Variants in DACH2 observed in about 807,000 individuals in gnomAD.
The protein encoded by DACH2 is dachshund homolog 2.
A neutral mutation model predicts 35.8 loss-of-function variants in DACH2; 17 were observed. The observed-to-expected ratio is 0.48, with a 90% CI of 0.33 to 0.71. DACH2 has a LOEUF of 0.71. Among genes scored for constraint, DACH2 ranks in the 30% least tolerant of loss-of-function variants. The pLI, the probability that DACH2 is intolerant of heterozygous loss-of-function variation, is 0.02. For synonymous variants in DACH2, 195 were observed against 177.3 expected, an observed-to-expected ratio of 1.10 and a Z score of -0.79; for missense variants, 469 against 472.7, an observed-to-expected ratio of 0.99 and a Z score of 0.07.
At chrX:86,740,330 G>A (rs2041640602) in intron 7 of DACH2, among the ~76,000 whole-genome samples, 2 of 110,102 alleles carry the variant, frequency 1.8e-5, no homozygotes, top group African/African-American at 6.6e-5. Flanking sequence ...TCACCTACAT[G>A]TATTTATTTT....
At chrX:86,315,265 C>T (rs563360638) in intron 1 of DACH2, among the ~76,000 whole-genome samples, 4 of 111,892 alleles carry the variant, frequency 3.6e-5, no homozygotes, top group African/African-American at 1.3e-4. Flanking sequence ...GTTTATAGCA[C>T]GGTTTACTGA....
intron 4 of DACH2, among the ~76,000 whole-genome samples, chrX:86,652,446 C>T (rs2148407497): frequency 8.9e-6 from 1 of 112,142 alleles, no homozygotes; most frequent in Admixed American, 9.5e-5. Context: ...AATTTATATT[C>T]CTTTGGGTGT....
At chrX:86,234,948 C>T (rs1263390524) in intron 1 of DACH2, among the ~76,000 whole-genome samples, 1 of 111,593 alleles carries the variant, frequency 9.0e-6, no homozygotes, top group Non-Finnish European at 1.9e-5. Context: ...AAAGTTTATA[C>T]TTTATTCAGA....
chrX:86,823,809 G>T (rs990176760), intron 11 of DACH2, among the ~76,000 whole-genome samples: 3 of 110,837 alleles, frequency 2.7e-5, no homozygotes, highest in Non-Finnish European at 5.7e-5. Context: ...GTTTTATTAA[G>T]GATTTCAAAA....
chrX:86,308,187 A>G (rs1292772241), intron 1 of DACH2, among the ~76,000 whole-genome samples: 1 of 112,591 alleles, frequency 8.9e-6, no homozygotes, highest in Non-Finnish European at 1.9e-5. Flanking sequence ...AAATAGATTT[A>G]TGAGAGCAGT....
At chrX:86,349,410 T>C (rs912009037) in intron 1 of DACH2, among the ~76,000 whole-genome samples, 1 of 111,800 alleles carries the variant, frequency 8.9e-6, no homozygotes, top group African/African-American at 3.3e-5. Flanking sequence ...AGGGTTTTTA[T>C]AGGCACAGGA....
At chrX:86,482,907 G>T (rs1417628664) in intron 2 of DACH2, among the ~76,000 whole-genome samples, 3 of 99,086 alleles carry the variant, frequency 3.0e-5, no homozygotes, top group Non-Finnish European at 6.0e-5. Flanking sequence ...ACCAAACACT[G>T]CATATTCTCA....
intron 2 of DACH2, among the ~76,000 whole-genome samples, chrX:86,387,243 G>A (rs1399456253): frequency 2.7e-5 from 3 of 111,325 alleles, no homozygotes; most frequent in Non-Finnish European, 5.7e-5. Context: ...TGGGAAATAT[G>A]GGATTAAATA....
intron 1 of DACH2, among the ~76,000 whole-genome samples, chrX:86,251,676 T>C (rs2033404070): frequency 8.9e-6 from 1 of 112,026 alleles, no homozygotes; most frequent in Non-Finnish European, 1.9e-5. Context: ...AATTTGTTAC[T>C]ATTTATGACT....
intron 3 of DACH2, among the ~76,000 whole-genome samples, chrX:86,573,510 A>G: frequency 9.0e-6 from 1 of 111,656 alleles, no homozygotes; most frequent in Non-Finnish European, 1.9e-5. Context: ...TAGAAGCCAT[A>G]GAGATAGTTC....
chrX:86,177,965 A>G (rs2031359189), intron 1 of DACH2, among the ~76,000 whole-genome samples: 3 of 111,380 alleles, frequency 2.7e-5, no homozygotes. Flanking sequence ...GACCTCTACT[A>G]TACAAAAGCA....
chrX:86,538,964 A>G (rs984157504), intron 3 of DACH2, among the ~76,000 whole-genome samples: 1 of 111,634 alleles, frequency 9.0e-6, no homozygotes, highest in Non-Finnish European at 1.9e-5. Context: ...AGGTGTAGGG[A>G]GCCAAATGTG....
intron 2 of DACH2, among the ~76,000 whole-genome samples, chrX:86,396,698 C>T (rs1322127748): frequency 8.1e-5 from 9 of 110,675 alleles, no homozygotes; most frequent in Admixed American, 1.9e-4. Flanking sequence ...CAGATAGTTG[C>T]AGATATGTGG....
intron 4 of DACH2, among the ~76,000 whole-genome samples, chrX:86,692,909 G>T (rs73247224): frequency 8.9e-6 from 1 of 111,816 alleles, no homozygotes; most frequent in African/African-American, 3.2e-5. Context: ...TCTCAGTGTT[G>T]CAGTGGTTAC....
chrX:86,419,595 T>C (rs777187721), intron 2 of DACH2, among the ~76,000 whole-genome samples: 1 of 111,977 alleles, frequency 8.9e-6, no homozygotes, highest in East Asian at 2.8e-4. Context: ...GTGGGAATTG[T>C]GGGAGTTACA....
At chrX:86,361,576 T>C (rs1032859525) in intron 1 of DACH2, among the ~76,000 whole-genome samples, 1 of 111,663 alleles carries the variant, frequency 9.0e-6, no homozygotes, top group African/African-American at 3.2e-5. Flanking sequence ...TTAGGGGCTT[T>C]ATTTGCAAGT....
chrX:86,687,727 T>C (rs2040962886), intron 4 of DACH2, among the ~76,000 whole-genome samples: 1 of 111,172 alleles, frequency 9.0e-6, no homozygotes, highest in Non-Finnish European at 1.9e-5. Context: ...AAGGGATGAG[T>C]TCATGTCCTT....
chrX:86,304,344 T>A (rs2034634871), intron 1 of DACH2: 1 of 112,025 alleles, frequency 8.9e-6, no homozygotes, highest in South Asian at 3.7e-4. Context: ...TGGAGCCCAT[T>A]TGGACTTTCA....
At chrX:86,312,919 T>C (rs1012305536) in intron 1 of DACH2, among the ~76,000 whole-genome samples, 2 of 110,031 alleles carry the variant, frequency 1.8e-5, no homozygotes, top group African/African-American at 6.6e-5. Flanking sequence ...AGGAGAGGAG[T>C]GGGAATGGAG....
Sources: gnomAD v4.1 joint callset for allele counts (sites outside exome capture counted in the v4.1 genomes callset) on GRCh38, gnomAD v4.1.1 for gene constraint, MANE v1.5 for transcripts, NCBI Gene and HGNC (gene_info 2026-07-23, HGNC 2026-07-21) for gene names.